Variants in SLC5A11 observed in about 807,000 individuals in gnomAD.
The protein encoded by SLC5A11 is sodium/myo-inositol cotransporter 2.
Under a neutral mutation model 69.8 loss-of-function variants are expected in SLC5A11, and 48 were observed. The observed-to-expected ratio is 0.69, with a 90% CI of 0.55 to 0.87. The LOEUF is 0.87. SLC5A11 is among the 40% of genes least tolerant of loss of function. The pLI, the probability that SLC5A11 is intolerant of heterozygous loss-of-function variation, is 0.00. For synonymous variants in SLC5A11, 319 were observed against 342.4 expected, an observed-to-expected ratio of 0.93 and a Z score of 0.75; for missense variants, 784 against 866.1, an observed-to-expected ratio of 0.91 and a Z score of 1.19.
At chr16:24,876,822 T>A (rs558141770) in intron 6 of SLC5A11, among the ~76,000 whole-genome samples, 21 of 152,294 alleles carry the variant, frequency 1.4e-4, no homozygotes, top group Admixed American at 9.8e-4. Flanking sequence ...CAGGTACACA[T>A]GACTTGTTGA....
chr16:24,898,012 C>T, exon 10 of SLC5A11: 1 of 1,614,154 alleles, frequency 6.2e-7, no homozygotes, highest in Non-Finnish European at 8.5e-7. Context: ...AGAACCTGTC[C>T]CATGCCAAAG....
chr16:24,849,472 C>T (rs939251868), intron 1 of SLC5A11, among the ~76,000 whole-genome samples: 2 of 148,532 alleles, frequency 1.3e-5, no homozygotes, highest in South Asian at 2.2e-4. Context: ...GAGGCTGAGG[C>T]GGGAGAATCG....
At chr16:24,866,290 A>G (rs1231520279) in intron 3 of SLC5A11, among the ~76,000 whole-genome samples, 1 of 151,562 alleles carries the variant, frequency 6.6e-6, no homozygotes, top group Non-Finnish European at 1.5e-5. Context: ...TCTACAAGAG[A>G]TATACTTAGA....
intron 10 of SLC5A11, among the ~76,000 whole-genome samples, chr16:24,900,986 A>AG (rs1221300096): frequency 6.6e-6 from 1 of 151,930 alleles, no homozygotes; most frequent in Admixed American, 6.6e-5. Flanking sequence ...GCACTTGCTA[A>AG]GGGTCAGTCC....
chr16:24,873,247 G>GAGGAAGGAAGGAAGGAAGGAAGGAAGGA (rs549215226), intron 5 of SLC5A11, among the ~76,000 whole-genome samples: 1 of 101,412 alleles, frequency 9.9e-6, no homozygotes, highest in Non-Finnish European at 2.0e-5. Context: ...GAGAGGGAGG[G>GAGGAAGGAAGGAAGGAAGGAAGGAAGGA]AGGAAGGAAG....
At chr16:24,866,815 AATC>A in intron 3 of SLC5A11, among the ~76,000 whole-genome samples, 1 of 152,306 alleles carries the variant, frequency 6.6e-6, no homozygotes, top group East Asian at 1.9e-4. Context: ...TAAAAGGGTC[AATC>A]CCTCAAGAAG....
intron 10 of SLC5A11, among the ~76,000 whole-genome samples, chr16:24,898,739 C>T (rs1046855867): frequency 2.0e-5 from 3 of 152,034 alleles, no homozygotes; most frequent in African/African-American, 7.2e-5. Flanking sequence ...AGGATGGTCT[C>T]GATCTCCTGA....
intron 8 of SLC5A11, among the ~76,000 whole-genome samples, chr16:24,884,954 G>C (rs2048304072): frequency 6.6e-6 from 1 of 151,908 alleles, no homozygotes. Context: ...TGTTGCCCAG[G>C]CTGGTTTCAA....
intron 8 of SLC5A11, among the ~76,000 whole-genome samples, chr16:24,888,484 T>C (rs1430355943): frequency 5.7e-5 from 8 of 139,286 alleles, no homozygotes; most frequent in East Asian, 2.0e-4. Context: ...ATTTCTTTTT[T>C]TTTTTTTTTT....
chr16:24,904,019 A>G (rs903861621), intron 10 of SLC5A11, among the ~76,000 whole-genome samples: 1 of 152,220 alleles, frequency 6.6e-6, no homozygotes, highest in Non-Finnish European at 1.5e-5. Flanking sequence ...GGAAGCAAGG[A>G]CCTTCTTCAC....
At chr16:24,886,007 C>T (rs2048372135) in intron 8 of SLC5A11, among the ~76,000 whole-genome samples, 1 of 150,398 alleles carries the variant, frequency 6.6e-6, no homozygotes, top group Admixed American at 6.6e-5. Context: ...TAAAGAAAAT[C>T]AAACCCAGGA....
intron 14 of SLC5A11, among the ~76,000 whole-genome samples, chr16:24,910,024 G>A (rs949798919): frequency 2.0e-5 from 3 of 152,002 alleles, no homozygotes; most frequent in Non-Finnish European, 4.4e-5. Flanking sequence ...ACTCTAGGGT[G>A]AGGGTTAAGC....
intron 10 of SLC5A11, among the ~76,000 whole-genome samples, chr16:24,904,949 C>T (rs2049907674): frequency 6.6e-6 from 1 of 151,878 alleles, no homozygotes; most frequent in Admixed American, 6.6e-5. Flanking sequence ...TGCCCTCCAC[C>T]CCCCGACAGG....
At position 24,911,460 on chromosome 16, in the gene SLC5A11, T is replaced by C. The variant is rs762608264; in HGVS notation, c.1955T>C (p.Val652Ala). The C allele has an allele frequency of 6.2e-7, 1 of 1,614,108 alleles. No homozygotes were observed. The highest frequency in any genetic ancestry group is 1.7e-5 in the Admixed American group (1 of 60,002). ...GTTTCCCTGGAAGAAAACCCCTTGG[T>C]GAAGACCCTCCTGGACGTCAACCTC... is the stretch of plus-strand genomic sequence containing the variant. The change falls in exon 16 of 16, where the codon GTG (valine) becomes GCG (alanine). Residue 652 changes from valine to alanine, a missense_variant. Val to Ala is a moderately conservative substitution (Grantham distance 64). Coordinates refer to ENST00000347898, the Ensembl canonical transcript of SLC5A11.
chr16:24,892,526 TAAG>T (rs779442115), intron 9 of SLC5A11, among the ~76,000 whole-genome samples: 1 of 151,150 alleles, frequency 6.6e-6, no homozygotes, highest in Non-Finnish European at 1.5e-5. Context: ...TATACAAAAC[TAAG>T]AAGAGTGGAT....
intron 10 of SLC5A11, among the ~76,000 whole-genome samples, chr16:24,898,717 A>G (rs1206863291): frequency 6.6e-6 from 1 of 151,594 alleles, no homozygotes; most frequent in Non-Finnish European, 1.5e-5. Context: ...ACAGGGTTTC[A>G]CCATGTTAGC....
chr16:24,908,947 T>G, exon 14 of SLC5A11: 1 of 1,614,106 alleles, frequency 6.2e-7, no homozygotes, highest in East Asian at 2.2e-5. Context: ...GGACTTTATT[T>G]ACGTGCAGCC....
chr16:24,881,322 T>C (rs1475490099), intron 7 of SLC5A11, among the ~76,000 whole-genome samples: 1 of 152,168 alleles, frequency 6.6e-6, no homozygotes, highest in Non-Finnish European at 1.5e-5. Context: ...GGTCTCCCTC[T>C]GTTGCCCAGG....
intron 2 of SLC5A11, 44 bp from the exon 4 acceptor site, chr16:24,862,557 T>G: frequency 6.4e-7 from 1 of 1,567,008 alleles, no homozygotes; most frequent in Non-Finnish European, 8.8e-7. Flanking sequence ...ATGCCTCTGA[T>G]TGCTAACGTC....
Sources: allele counts gnomAD v4.1 joint callset (sites outside exome capture counted in the v4.1 genomes callset), GRCh38; gene constraint gnomAD v4.1.1; transcripts MANE v1.5; gene names NCBI Gene and HGNC (gene_info 2026-07-23, HGNC 2026-07-21).